CD164: variants seen among roughly 807,000 people sequenced by gnomAD.
CD164 encodes CD164 molecule.
CD164 carries 11 observed loss-of-function variants against 24.6 expected under a neutral mutation model. The observed-to-expected ratio is 0.45, with a 90% CI of 0.28 to 0.74. The LOEUF is 0.74. Among genes scored for constraint, CD164 ranks in the 30% least tolerant of loss-of-function variants. CD164 has a pLI of 0.13. For missense variants in CD164, 295 were observed against 243.7 expected, an observed-to-expected ratio of 1.21 and a Z score of -1.40; for synonymous variants, 126 against 100.3, an observed-to-expected ratio of 1.26 and a Z score of -1.53.
chr6:109,370,071 T>C (rs549566013), intron 5 of CD164, among the ~76,000 whole-genome samples: 10 of 152,322 alleles, frequency 6.6e-5, no homozygotes, highest in Non-Finnish European at 1.5e-4. Flanking sequence ...CAAATCGCCA[T>C]GCTCTCTCAT....
At chr6:109,370,500 C>T in intron 4 of CD164, 33 bp from the exon 5 acceptor site, 1 of 1,566,054 alleles carries the variant, frequency 6.4e-7, no homozygotes, top group Non-Finnish European at 8.8e-7. Flanking sequence ...TTTTAAAAAA[C>T]CTTAAATTTC....
intron 5 of CD164, among the ~76,000 whole-genome samples, chr6:109,369,578 T>C (rs1770967841): frequency 6.6e-6 from 1 of 152,210 alleles, no homozygotes; most frequent in South Asian, 2.1e-4. Flanking sequence ...CTGAATTCTT[T>C]TCAGGCAGTA....
At chr6:109,380,094 AG>A in intron 1 of CD164, 1 of 131,768 alleles carries the variant, frequency 7.6e-6, no homozygotes, top group African/African-American at 4.1e-5. Context: ...TAGTAACAGT[AG>A]TAGTTTAACA....
intron 1 of CD164, chr6:109,381,640 TG>T: frequency 1.4e-6 from 1 of 699,942 alleles, no homozygotes; most frequent in Admixed American, 2.0e-5. Flanking sequence ...TATTCCTATC[TG>T]CAAAACCAAT....
chr6:109,368,542 C>G lies in CD164; in HGVS notation c.*309G>C. 7.5e-7 allele frequency: 1 copy of G among 1,334,828 alleles called. No homozygotes were observed. Among genetic ancestry groups the G allele is most frequent in the Non-Finnish European group, 9.5e-7 (1 of 1,048,504 alleles). The allele number at this position is 1,334,828 out of a possible 1,614,324, so 82.7% of individuals were successfully genotyped here. A position where few individuals can be genotyped will look rare whatever the true frequency, so the allele number is the denominator to read the frequency against. ...CCATGATGTTGTCTGCACAAGACAA[C>G]ATTTTCCATCACTTTCAGAAAGTTA... is the stretch of plus-strand genomic sequence containing the variant. On this transcript the variant is annotated 3_prime_UTR_variant, in exon 6 of 6. Coordinates refer to ENST00000310786, the MANE Select transcript of CD164 (RefSeq NM_006016.6).
At position 109,366,628 on chromosome 6, in the gene CD164, G is replaced by A. The variant is rs1770771960; in HGVS notation, c.*2223C>T. On this transcript the variant is annotated 3_prime_UTR_variant, in exon 6 of 6. Coordinates refer to ENST00000310786, the MANE Select transcript of CD164 (RefSeq NM_006016.6). ...TGTCTAAATACAGCAGTATCTGCCT[G>A]TGCAACAAATATCTGTAAGGTAAAA... The A allele has an allele frequency of 6.6e-6, 1 of 152,556 alleles. No individual in the cohort carries two copies. Among genetic ancestry groups the A allele is most frequent in the South Asian group, 2.1e-4 (1 of 4,830 alleles). The allele number at this position is 152,556 out of a possible 1,614,324, so 9.5% of individuals were successfully genotyped here. A position where few individuals can be genotyped will look rare whatever the true frequency, so the allele number is the denominator to read the frequency against.
At chr6:109,377,118 CAA>C (rs1265587006) in intron 3 of CD164, among the ~76,000 whole-genome samples, 1 of 152,158 alleles carries the variant, frequency 6.6e-6, no homozygotes, top group African/African-American at 2.4e-5. Context: ...GCCTGGGCAA[CAA>C]AGAGACTGTC....
chr6:109,370,070 A>G (rs1770990803), intron 5 of CD164, among the ~76,000 whole-genome samples: 1 of 152,208 alleles, frequency 6.6e-6, no homozygotes, highest in Non-Finnish European at 1.5e-5. Context: ...TCAAATCGCC[A>G]TGCTCTCTCA....
At chr6:109,374,890 CTTACAAAT>C (rs1771307847) in intron 4 of CD164, among the ~76,000 whole-genome samples, 1 of 152,194 alleles carries the variant, frequency 6.6e-6, no homozygotes, top group Non-Finnish European at 1.5e-5. Flanking sequence ...CACATTCCTT[CTTACAAAT>C]TTCCCAATAC....
intron 1 of CD164, among the ~76,000 whole-genome samples, chr6:109,380,922 C>T (rs1165612820): frequency 6.6e-6 from 1 of 152,148 alleles, no homozygotes; most frequent in African/African-American, 2.4e-5. Context: ...AATTTACTTC[C>T]CTCGTTTTGA....
chr6:109,381,487 T>C, intron 1 of CD164: 1 of 702,154 alleles, frequency 1.4e-6, no homozygotes, highest in Non-Finnish European at 2.6e-6. Context: ...ATCTACCTCC[T>C]AGGTTTCACT....
At chr6:109,381,974 C>G (rs1413119153) in intron 1 of CD164, 1 of 381,010 alleles carries the variant, frequency 2.6e-6, no homozygotes, top group Non-Finnish European at 4.6e-6. Flanking sequence ...GGGCCCCAGC[C>G]CCGCAGCCAC....
chr6:109,372,536 T>G (rs969936198), intron 4 of CD164: 1 of 152,212 alleles, frequency 6.6e-6, no homozygotes, highest in African/African-American at 2.4e-5. Context: ...TTTTCCCTCT[T>G]ACTTCAAGCA....
chr6:109,379,761 C>G, intron 1 of CD164, 99 bp from the exon 2 acceptor site: 2 of 822,612 alleles, frequency 2.4e-6, no homozygotes, highest in African/African-American at 3.5e-5. Context: ...GCATTACATA[C>G]AGCATCAAAA....
intron 2 of CD164, among the ~76,000 whole-genome samples, chr6:109,378,462 G>A (rs1245557886): frequency 2.6e-5 from 4 of 151,340 alleles, no homozygotes; most frequent in African/African-American, 9.7e-5. Flanking sequence ...AAAAGGCGGA[G>A]ACAGTAAGTT....
intron 4 of CD164, among the ~76,000 whole-genome samples, chr6:109,374,125 C>T (rs942108288): frequency 1.3e-5 from 2 of 152,152 alleles, no homozygotes; most frequent in Non-Finnish European, 2.9e-5. Context: ...TCTTCCTAGC[C>T]CTTAGACATT....
intron 5 of CD164, among the ~76,000 whole-genome samples, chr6:109,369,799 G>A (rs934701630): frequency 1.8e-4 from 27 of 152,124 alleles, no homozygotes; most frequent in African/African-American, 6.5e-4. Flanking sequence ...ATCACAAAAA[G>A]CAGGTAGAAG....
At chr6:109,379,839 G>A in intron 1 of CD164, 177 bp from the exon 2 acceptor site, 1 of 541,448 alleles carries the variant, frequency 1.8e-6, no homozygotes, top group South Asian at 2.2e-5. Context: ...TTACAAAGCT[G>A]TAAGTAAACG....
intron 1 of CD164, 77 bp downstream of exon 1, chr6:109,382,099 GCCCGCCCGACCGTGGCCCGAACCCGGGC>G: frequency 9.6e-7 from 1 of 1,045,638 alleles, no homozygotes; most frequent in Non-Finnish European, 1.2e-6. Flanking sequence ...AGCGCGGCCC[GCCCGCCCGACCGTGGCCCGAACCCGGGC>G]CCCGCCCGCA....
Sources: gnomAD v4.1 joint callset for allele counts (sites outside exome capture counted in the v4.1 genomes callset) on GRCh38, gnomAD v4.1.1 for gene constraint, MANE v1.5 for transcripts, NCBI Gene and HGNC (gene_info 2026-07-23, HGNC 2026-07-21) for gene names.